The following SH3TC2 variants were observed in gnomAD, a reference collection of about 807,000 sequenced individuals.
The protein encoded by SH3TC2 is SH3 domain and tetratricopeptide repeats 2, also known as SH3 domain and tetratricopeptide repeat-containing protein 2.
In SH3TC2, 87 loss-of-function variants were observed where a neutral mutation model predicts 124.5. The observed-to-expected ratio is 0.70, with a 90% CI of 0.59 to 0.84. The LOEUF (loss-of-function observed/expected upper bound fraction) is 0.84, where lower values mean the gene tolerates loss of function less well. SH3TC2 is among the 40% of genes least tolerant of loss of function. The pLI is 0.00. For synonymous variants in SH3TC2, 634 were observed against 628.5 expected (o/e 1.01, Z -0.13); for missense variants, 1,536 against 1,566.4 (o/e 0.98, Z 0.33).
rs1178708540 is a variant in SH3TC2 at position 148,986,239 on chromosome 5, A to G, written c.*18472T>C. Among the ~76,000 whole-genome samples the G allele has an allele frequency of 1.3e-5, 2 of 152,224 alleles. No individual in the cohort carries two copies. The highest frequency in any genetic ancestry group is 2.4e-5 in the African/African-American group (1 of 41,458). On this transcript the variant is annotated 3_prime_UTR_variant, in exon 17 of 17. Transcript: ENST00000515425. ...TGTAAGAACAAGAGAAAAAAAATGT[A>G]TCTGAAATCAGAAAGCAATTAAATA...
intron 3 of SH3TC2, chr5:149,047,480 T>A: frequency 3.9e-6 from 1 of 257,448 alleles, no homozygotes; most frequent in Non-Finnish European, 7.7e-6. Context: ...GAAAATTTTA[T>A]GTTATGTATA....
chr5:149,014,718 T>C (rs1753841770), intron 12 of SH3TC2, among the ~76,000 whole-genome samples: 1 of 152,184 alleles, frequency 6.6e-6, no homozygotes, highest in Non-Finnish European at 1.5e-5. Flanking sequence ...CTCCACACCA[T>C]GCTGCAGTGA....
Position 149,012,634 on chromosome 5 carries a change from G to A in SH3TC2, c.3154C>T (p.Arg1052Ter), listed in dbSNP as rs370115218. ...TCTTCCTGCATGAGGTAGTGGAGTC[G>A]CCCCGCCCCAAGCCAGGCCTCAGCA... Reference protein sequence around the residue: ...KAAEAWLGAGRLHYLMQEDEL... With the variant: ...KAAEAWLGAG Residue 1052 changes from arginine to a stop codon, truncating the protein, a stop_gained, in exon 13 of 17, where the codon CGA becomes TGA. Coordinates refer to ENST00000515425, the MANE Select transcript of SH3TC2 (RefSeq NM_024577.4). LOFTEE classifies it high-confidence loss of function. 1.5e-5 allele frequency: 25 copies of A among 1,614,122 alleles called. No individual in the cohort carries two copies. Among genetic ancestry groups the A allele is most frequent in the African/African-American group, 4.0e-5 (3 of 74,998 alleles).
rs1416825760 is a variant in SH3TC2 at position 148,994,955 on chromosome 5, A to G, written c.*9756T>C. Among the ~76,000 whole-genome samples, 1 of 152,192 alleles carries G rather than the reference A, an allele frequency of 6.6e-6. No homozygotes were observed. The highest frequency in any genetic ancestry group is 6.5e-5 in the Admixed American group (1 of 15,268). Reference sequence around the variant, plus strand: ...TTCCCAAGGAAAGAGACTTGGGATTATGAAACAATACTCTGGACCACTCAG... The same window carrying G: ...TTCCCAAGGAAAGAGACTTGGGATTGTGAAACAATACTCTGGACCACTCAG... On this transcript the variant is annotated 3_prime_UTR_variant, in exon 17 of 17. Transcript: ENST00000515425.
intron 2 of SH3TC2, among the ~76,000 whole-genome samples, chr5:149,050,583 T>A (rs1754539117): frequency 6.6e-6 from 1 of 152,070 alleles, no homozygotes; most frequent in African/African-American, 2.4e-5. Flanking sequence ...GTAATTCAGG[T>A]TTTTTCAGGG....
At position 149,042,832 on chromosome 5, in the gene SH3TC2, C is replaced by A. The variant is rs764169824; in HGVS notation, c.391G>T (p.Val131Leu). ...KFSTYLNLGY[V>L]SMCLEHLLFD... ...AGGAGATGTTCTAGACACATGGATACGTAGCCTAAGAAGTCAAGCCAACAA... is the reference window on the plus strand; with the variant it reads ...AGGAGATGTTCTAGACACATGGATAAGTAGCCTAAGAAGTCAAGCCAACAA... The change falls in exon 5 of 17, where the codon GTA becomes TTA. Residue 131 changes from valine (V) to leucine (L), a missense_variant. Transcript: ENST00000515425. The A allele has an allele frequency of 6.2e-7, 1 of 1,614,088 alleles. No individual in the cohort carries two copies. Among genetic ancestry groups the A allele is most frequent in the Admixed American group, 1.7e-5 (1 of 60,026 alleles).
intron 13 of SH3TC2, among the ~76,000 whole-genome samples, chr5:149,011,236 T>C (rs1255428297): frequency 1.3e-5 from 2 of 152,214 alleles, no homozygotes; most frequent in African/African-American, 2.4e-5. Context: ...CAGTGAACAT[T>C]TCATCACTGG....
rs141538396 is a variant in SH3TC2 at position 148,988,234 on chromosome 5, T to A, written c.*16477A>T. On this transcript the variant is annotated 3_prime_UTR_variant, in exon 17 of 17. Coordinates refer to ENST00000515425, the MANE Select transcript of SH3TC2 (RefSeq NM_024577.4). ...CAAAGCATCTTTACTCCTTCTCCCATGGACATGAAAATCATTATCAAAAAT... is the reference window on the plus strand; with the variant it reads ...CAAAGCATCTTTACTCCTTCTCCCAAGGACATGAAAATCATTATCAAAAAT... Among the ~76,000 whole-genome samples the A allele has an allele frequency of 1.3e-4, 20 of 152,296 alleles. No individual in the cohort carries two copies. Among genetic ancestry groups the A allele is most frequent in the Non-Finnish European group, 2.2e-4 (15 of 68,032 alleles).
chr5:149,023,618 C>T (rs1561763028), intron 12 of SH3TC2, among the ~76,000 whole-genome samples: 3 of 120,592 alleles, frequency 2.5e-5, no homozygotes, highest in African/African-American at 6.9e-5. Flanking sequence ...CAGTCTCACT[C>T]TGTCACCCAG....
intron 1 of SH3TC2, among the ~76,000 whole-genome samples, chr5:149,054,488 T>C (rs943898170): frequency 2.6e-5 from 4 of 152,208 alleles, no homozygotes; most frequent in South Asian, 2.1e-4. Flanking sequence ...AGGACCACAC[T>C]TGGAGTAGCA....
At chr5:149,015,530 T>C (rs981925396) in intron 12 of SH3TC2, among the ~76,000 whole-genome samples, 1 of 152,230 alleles carries the variant, frequency 6.6e-6, no homozygotes, top group Non-Finnish European at 1.5e-5. Flanking sequence ...CTGGTTCTCC[T>C]GTGCCTGTGT....
chr5:149,006,743 C>T lies in SH3TC2; in HGVS notation c.3675+138G>A. 3.3e-6 allele frequency: 3 copies of T among 896,144 alleles called. No homozygotes were observed. In the Admixed American group the frequency reaches 5.2e-5, roughly 16 times the overall value. The allele number at this position is 896,144 out of a possible 1,614,324, so 55.5% of individuals were successfully genotyped here. ...CCATGTCCCCTGTAAAGCCACTCCT[C>T]ACCCTATGAGACAAGACTTCTCATC... On this transcript the variant is annotated intron_variant, in intron 16 of 16. Coordinates refer to ENST00000515425, the MANE Select transcript of SH3TC2 (RefSeq NM_024577.4).
chr5:149,053,025 T>A (rs1754584311), intron 1 of SH3TC2, among the ~76,000 whole-genome samples: 1 of 152,212 alleles, frequency 6.6e-6, no homozygotes, highest in African/African-American at 2.4e-5. Flanking sequence ...TCTGTCCTTT[T>A]TTCCATAAAA....
In SH3TC2 at chr5:148,988,834, C is replaced by A. The variant is rs868551923; in HGVS notation, c.*15877G>T. Among the ~76,000 whole-genome samples, 25 of 152,290 alleles carry A rather than the reference C, an allele frequency of 1.6e-4. No individual in the cohort carries two copies. The South Asian group carries it at 5.2e-3, about 32-fold the overall frequency. On this transcript the variant is annotated 3_prime_UTR_variant, in exon 17 of 17. Coordinates refer to ENST00000515425, the MANE Select transcript of SH3TC2 (RefSeq NM_024577.4). Reference sequence around the variant, plus strand: ...GGGGTGGTTTGTTATGTCACTTGTTCCACCTCATGGTTCAAAAACACGATC... The same window carrying A: ...GGGGTGGTTTGTTATGTCACTTGTTACACCTCATGGTTCAAAAACACGATC...
In SH3TC2 at chr5:149,007,044, C is replaced by A. The variant is rs200728983; in HGVS notation, c.3512G>T (p.Arg1171Leu). 4.2e-5 allele frequency: 67 copies of A among 1,614,002 alleles called. No individual in the cohort carries two copies. Among genetic ancestry groups the A allele is most frequent in the Non-Finnish European group, 5.3e-5 (62 of 1,180,036 alleles). ...DQRQELVAFH[R>L]LATVYYSLHM... ...CAGGGAGTAGTACACTGTAGCCAGG[C>A]GGTGAAAGGCCACCAGCTCTTGCCT... is the stretch of plus-strand genomic sequence containing the variant. The change falls in exon 16 of 17, where the codon CGC (arginine) becomes CTC (leucine). Residue 1171 changes from arginine (R) to leucine (L), a missense_variant. By Grantham distance (102) the Arg-to-Leu change is moderately radical. Transcript: ENST00000515425.
In SH3TC2 at chr5:148,985,853, G is replaced by A. The variant is rs548465561; in HGVS notation, c.*18858C>T. Among the ~76,000 whole-genome samples, 1 of 152,240 alleles carries A rather than the reference G, an allele frequency of 6.6e-6. No individual in the cohort carries two copies. Among genetic ancestry groups the A allele is most frequent in the East Asian group, 1.9e-4 (1 of 5,192 alleles). On this transcript the variant is annotated 3_prime_UTR_variant, in exon 17 of 17. Transcript: ENST00000515425. ...AGCCACTTTTATTTTTCAATGTGTG[G>A]AATGTCATTTTTATATAGATTTGGC...
At chr5:149,056,357 T>C (rs1244783582) in intron 1 of SH3TC2, among the ~76,000 whole-genome samples, 1 of 152,200 alleles carries the variant, frequency 6.6e-6, no homozygotes, top group East Asian at 1.9e-4. Flanking sequence ...AGTGAGAACA[T>C]GTGGCATTTT....
At position 149,003,901 on chromosome 5, in the gene SH3TC2, C is replaced by G. The variant is rs1484050623; in HGVS notation, c.*810G>C. ...TGTATTGGTATTCTCTCCCATCCAT[C>G]AAGTCCTCCATCTCATCTGCCCCCA... is the stretch of plus-strand genomic sequence containing the variant. On this transcript the variant is annotated 3_prime_UTR_variant, in exon 17 of 17. Transcript: ENST00000515425. 1 of 340,168 alleles carries G rather than the reference C, an allele frequency of 2.9e-6. No individual in the cohort carries two copies. Among genetic ancestry groups the G allele is most frequent in the African/African-American group, 2.2e-5 (1 of 45,566 alleles). 21.1% of individuals were successfully genotyped at this position (340,168 alleles called of 1,614,324 possible). A position where few individuals can be genotyped will look rare whatever the true frequency, so the allele number is the denominator to read the frequency against.
In SH3TC2 at chr5:148,989,619, C is replaced by T. The variant is rs1198472829; in HGVS notation, c.*15092G>A. 6.6e-6 allele frequency among the ~76,000 whole-genome samples: 1 copy of T among 152,206 alleles called. No individual in the cohort carries two copies. Among genetic ancestry groups the T allele is most frequent in the African/African-American group, 2.4e-5 (1 of 41,442 alleles). ...ATTTTCAGACCACCTATGTATATTG[C>T]TGCAGATGTTGGTACAATTCTGTAT... On this transcript the variant is annotated 3_prime_UTR_variant, in exon 17 of 17. Coordinates refer to ENST00000515425, the MANE Select transcript of SH3TC2 (RefSeq NM_024577.4).
Sources: gnomAD v4.1 joint callset for allele counts (sites outside exome capture counted in the v4.1 genomes callset) on GRCh38, gnomAD v4.1.1 for gene constraint, MANE v1.5 for transcripts, NCBI Gene and HGNC (gene_info 2026-07-23, HGNC 2026-07-21) for gene names.